The following MIPEP variants were observed in gnomAD, a reference collection of about 807,000 sequenced individuals.
MIPEP encodes mitochondrial intermediate peptidase.
A neutral mutation model predicts 90.3 loss-of-function variants in MIPEP; 79 were observed. That is an observed-to-expected ratio of 0.87 (90% CI 0.73 to 1.05). MIPEP has a LOEUF of 1.05. Among genes scored for constraint, MIPEP ranks in the 50% least tolerant of loss-of-function variants. The pLI, the probability that MIPEP is intolerant of heterozygous loss-of-function variation, is 0.00. For synonymous variants in MIPEP, 334 were observed against 315.8 expected (o/e 1.06, Z -0.61); for missense variants, 940 against 905.6 (o/e 1.04, Z -0.49).
chr13:23,864,026 C>T (rs1870424152), intron 8 of MIPEP, 115 bp downstream of exon 8: 1 of 609,708 alleles, frequency 1.6e-6, no homozygotes, highest in Non-Finnish European at 2.9e-6. Context: ...AGGTCTGGTC[C>T]AATATGCCAA....
intron 10 of MIPEP, among the ~76,000 whole-genome samples, chr13:23,846,930 G>T (rs1256154846): frequency 1.3e-5 from 2 of 152,066 alleles, no homozygotes; most frequent in African/African-American, 4.8e-5. Flanking sequence ...CAGCAAAAAC[G>T]ATCCTTTAAG....
intron 16 of MIPEP, among the ~76,000 whole-genome samples, chr13:23,770,746 A>G (rs1007438619): frequency 1.3e-5 from 2 of 152,138 alleles, no homozygotes; most frequent in African/African-American, 4.8e-5. Flanking sequence ...GGATTATTTC[A>G]GTGGGAAGAT....
At chr13:23,873,440 T>C (rs1277848369) in intron 5 of MIPEP, among the ~76,000 whole-genome samples, 1 of 152,144 alleles carries the variant, frequency 6.6e-6, no homozygotes, top group Non-Finnish European at 1.5e-5. Context: ...CTGGAGTCTG[T>C]CTGGCTTACA....
chr13:23,744,997 G>A (rs1392657784), intron 18 of MIPEP, among the ~76,000 whole-genome samples: 1 of 152,160 alleles, frequency 6.6e-6, no homozygotes, highest in Non-Finnish European at 1.5e-5. Flanking sequence ...GCTAGAAAGG[G>A]AAATTTAAGT....
chr13:23,734,766 C>T lies in MIPEP; in HGVS notation c.2045-4321G>A, dbSNP rs557346434. Among the ~76,000 whole-genome samples the T allele has an allele frequency of 2.1e-4, 32 of 152,130 alleles. 1 individual carries two copies. In the East Asian group the frequency reaches 5.4e-3, roughly 26 times the overall value. On this transcript the variant is annotated intron_variant, in intron 18 of 18. Transcript: ENST00000382172. ...CCAGCAGGAAGTAGCCAGAAGACAT[C>T]GTCGCCCAAACCTCTAACAGCAGTT...
intron 14 of MIPEP, among the ~76,000 whole-genome samples, chr13:23,811,237 C>T (rs1309384905): frequency 6.6e-6 from 1 of 152,032 alleles, no homozygotes; most frequent in African/African-American, 2.4e-5. Flanking sequence ...TCATGCTTCA[C>T]CAAGTTTTAA....
chr13:23,864,487 T>C (rs1263316074), intron 7 of MIPEP, among the ~76,000 whole-genome samples: 1 of 152,114 alleles, frequency 6.6e-6, no homozygotes, highest in Non-Finnish European at 1.5e-5. Context: ...ATCCTAGTAC[T>C]TTGGGAGGCT....
At chr13:23,876,784 G>T (rs1871091637) in intron 4 of MIPEP, among the ~76,000 whole-genome samples, 1 of 152,104 alleles carries the variant, frequency 6.6e-6, no homozygotes, top group Non-Finnish European at 1.5e-5. Flanking sequence ...GTATGAGTTT[G>T]TATCATGCCA....
intron 14 of MIPEP, among the ~76,000 whole-genome samples, chr13:23,817,726 A>AC (rs1355600879): frequency 6.6e-6 from 1 of 152,048 alleles, no homozygotes; most frequent in Non-Finnish European, 1.5e-5. Context: ...TTGTTTGTGT[A>AC]CCCCTCAAAA....
intron 16 of MIPEP, among the ~76,000 whole-genome samples, chr13:23,782,612 G>A (rs1952792848): frequency 6.6e-6 from 1 of 152,020 alleles, no homozygotes; most frequent in Admixed American, 6.6e-5. Flanking sequence ...GATCAGAGAA[G>A]AACTGAAGGA....
chr13:23,783,560 T>G (rs551906717), intron 16 of MIPEP, among the ~76,000 whole-genome samples: 5 of 152,286 alleles, frequency 3.3e-5, no homozygotes, highest in Admixed American at 3.3e-4. Flanking sequence ...ATGCCCCCTC[T>G]CACCACTCCT....
intron 14 of MIPEP, among the ~76,000 whole-genome samples, chr13:23,820,164 A>G (rs1566005492): frequency 2.0e-5 from 3 of 152,228 alleles, no homozygotes. Context: ...TTGTATCTAT[A>G]GAATCCAGTT....
intron 14 of MIPEP, among the ~76,000 whole-genome samples, chr13:23,834,214 C>A (rs531034986): frequency 1.9e-3 from 289 of 152,326 alleles, no homozygotes; most frequent in African/African-American, 6.8e-3. Context: ...CCCCTGCGAT[C>A]CGCTTCCTCC....
At chr13:23,759,371 A>T (rs1952516328) in intron 17 of MIPEP, among the ~76,000 whole-genome samples, 1 of 150,834 alleles carries the variant, frequency 6.6e-6, no homozygotes, top group Non-Finnish European at 1.5e-5. Context: ...ACAGCACGGG[A>T]TACCCCACCC....
At chr13:23,744,596 A>G (rs1490033171) in intron 18 of MIPEP, among the ~76,000 whole-genome samples, 2 of 152,216 alleles carry the variant, frequency 1.3e-5, no homozygotes, top group African/African-American at 4.8e-5. Context: ...ATACAGCAAC[A>G]TGCATAGTAC....
intron 16 of MIPEP, among the ~76,000 whole-genome samples, chr13:23,782,521 C>T (rs555171456): frequency 8.3e-4 from 127 of 152,258 alleles, no homozygotes; most frequent in Admixed American, 2.3e-3. Flanking sequence ...CTAAAAATGA[C>T]ACCCTAACAT....
intron 10 of MIPEP, among the ~76,000 whole-genome samples, chr13:23,852,155 C>G (rs4770505): frequency 0.75 from 113,801 of 152,060 alleles, 45,259 homozygotes; most frequent in Non-Finnish European, 0.88. Flanking sequence ...AAGTAAGAGA[C>G]AGGAGACAGA....
intron 16 of MIPEP, among the ~76,000 whole-genome samples, chr13:23,773,329 T>C (rs901751100): frequency 4.6e-5 from 7 of 152,248 alleles, no homozygotes; most frequent in South Asian, 2.1e-4. Flanking sequence ...CAATTTTCCA[T>C]TGAGTGGATA....
intron 18 of MIPEP, among the ~76,000 whole-genome samples, chr13:23,751,761 T>C (rs371070047): frequency 1.6e-4 from 24 of 152,182 alleles, no homozygotes; most frequent in African/African-American, 5.5e-4. Context: ...GTGGGGAGAA[T>C]CTTTCCATCA....
Sources: gnomAD v4.1 joint callset for allele counts (sites outside exome capture counted in the v4.1 genomes callset) on GRCh38, gnomAD v4.1.1 for gene constraint, MANE v1.5 for transcripts, NCBI Gene and HGNC (gene_info 2026-07-23, HGNC 2026-07-21) for gene names.